SEMA6A: variants seen among roughly 807,000 people sequenced by gnomAD.
SEMA6A encodes the protein semaphorin-6A.
SEMA6A carries 25 observed loss-of-function variants against 96.8 expected under a neutral mutation model. That is an observed-to-expected ratio of 0.26 (90% CI 0.19 to 0.36). The LOEUF (loss-of-function observed/expected upper bound fraction) is 0.36. SEMA6A is among the 10% of genes least tolerant of loss of function. SEMA6A has a pLI of 1.00. For missense variants in SEMA6A, 1,363 were observed against 1,323.1 expected (o/e 1.03, Z -0.47); for synonymous variants, 612 against 518.0 (o/e 1.18, Z -2.46).
rs539607101 is a variant in SEMA6A at position 116,558,386 on chromosome 5, T to C, written c.-39+15799A>G. Among the ~76,000 whole-genome samples the C allele has an allele frequency of 2.3e-3, 348 of 152,210 alleles. 3 individuals carry two copies. Among genetic ancestry groups the C allele is most frequent in the African/African-American group, 7.8e-3 (323 of 41,528 alleles). ...GTGCCACGGTGGTTTGCTGCACCTATCAATCCATCATCTAGGTTTTAAGCC... is the reference window on the plus strand; with the variant it reads ...GTGCCACGGTGGTTTGCTGCACCTACCAATCCATCATCTAGGTTTTAAGCC... On this transcript the variant is annotated intron_variant, in intron 1 of 18. Transcript: ENST00000343348.
chr5:116,472,983 G>A (rs1299197728), intron 17 of SEMA6A, 90 bp downstream of exon 17: 1 of 1,518,998 alleles, frequency 6.6e-7, no homozygotes, highest in Non-Finnish European at 8.8e-7. Context: ...AGAAACTTAA[G>A]ATTTGAACAT....
rs1040222130 is a variant in SEMA6A at position 116,446,409 on chromosome 5, C to A, written c.*204G>T. On this transcript the variant is annotated 3_prime_UTR_variant, in exon 19 of 19. Transcript: ENST00000343348. The stretch of plus-strand genomic sequence containing the variant: ...GTGAAGGAAGAGAATGAAGGTGAGT[C>A]CCCGCCGTTGCAAACCTTCACCAAA... 14 of 475,694 alleles carry A rather than the reference C, an allele frequency of 2.9e-5. No homozygotes were observed. Among genetic ancestry groups the A allele is most frequent in the African/African-American group, 2.7e-4 (14 of 51,362 alleles). 29.5% of individuals were successfully genotyped at this position (475,694 alleles called of 1,614,324 possible). A position where few individuals can be genotyped will look rare whatever the true frequency, so the allele number is the denominator to read the frequency against.
In SEMA6A at chr5:116,548,358, A is replaced by C. The variant is rs140075123; in HGVS notation, c.-39+25827T>G. 5.9e-4 allele frequency among the ~76,000 whole-genome samples: 90 copies of C among 152,278 alleles called. 2 individuals carry two copies. In the East Asian group the frequency reaches 0.015, roughly 25 times the overall value. On this transcript the variant is annotated intron_variant, in intron 1 of 18. Coordinates refer to ENST00000343348, the MANE Select transcript of SEMA6A (RefSeq NM_020796.5). Reference sequence around the variant, plus strand: ...ACATTTCTCATCACACTGGAGCAGAAAACTTGCTTTGGAGTGGTATATGGA... The same window carrying C: ...ACATTTCTCATCACACTGGAGCAGACAACTTGCTTTGGAGTGGTATATGGA...
chr5:116,476,135 A>G (rs906021657), intron 15 of SEMA6A, among the ~76,000 whole-genome samples: 4 of 151,880 alleles, frequency 2.6e-5, no homozygotes, highest in African/African-American at 9.7e-5. Flanking sequence ...CTGCTTGGTT[A>G]TTTGTTCACT....
At chr5:116,449,815 A>G (rs1194541225) in intron 18 of SEMA6A, 3 of 153,146 alleles carry the variant, frequency 2.0e-5, no homozygotes, top group African/African-American at 7.2e-5. Flanking sequence ...AGTGTACAAG[A>G]CGGTAAGATA....
intron 1 of SEMA6A, among the ~76,000 whole-genome samples, chr5:116,540,670 A>G (rs560869540): frequency 7.2e-5 from 11 of 152,266 alleles, no homozygotes; most frequent in African/African-American, 1.7e-4. Context: ...CATATTTCCT[A>G]TAGACTGATG....
chr5:116,572,990 C>G (rs968647616), intron 1 of SEMA6A, among the ~76,000 whole-genome samples: 1 of 152,206 alleles, frequency 6.6e-6, no homozygotes, highest in Non-Finnish European at 1.5e-5. Context: ...CCTTTCCCGA[C>G]GTCCACAAGC....
intron 1 of SEMA6A, among the ~76,000 whole-genome samples, chr5:116,528,645 G>A (rs187251240): frequency 6.6e-6 from 1 of 152,230 alleles, no homozygotes; most frequent in African/African-American, 2.4e-5. Flanking sequence ...CTTAACAGCC[G>A]CCAAGCTTCC....
Position 116,524,773 on chromosome 5 carries a change from C to CACACACACACACACAG in SEMA6A, c.-38-19807_-38-19792dup, listed in dbSNP as rs1253080521. 8.5e-3 allele frequency among the ~76,000 whole-genome samples: 1,234 copies of CACACACACACACACAG among 145,360 alleles called. 13 individuals are homozygous for CACACACACACACACAG. The highest frequency in any genetic ancestry group is 0.015 in the Admixed American group (216 of 14,696). ...GTGTATAATTACATGGGTATGTATA[C>CACACACACACACACAG]ACACACACACACACAGACACACACA... On this transcript the variant is annotated intron_variant, in intron 1 of 18. Coordinates refer to ENST00000343348, the MANE Select transcript of SEMA6A (RefSeq NM_020796.5).
chr5:116,562,897 G>A lies in SEMA6A; in HGVS notation c.-39+11288C>T. 4 of 615,354 alleles carry A rather than the reference G, an allele frequency of 6.5e-6. No homozygotes were observed. The East Asian group carries it at 1.4e-4, about 21-fold the overall frequency. 38.1% of individuals were successfully genotyped at this position (615,354 alleles called of 1,614,324 possible). A position where few individuals can be genotyped will look rare whatever the true frequency, so the allele number is the denominator to read the frequency against. ...CAAAGACTCCTGGACCTGGGGCCCA[G>A]TCGGCCCTCGAGCCCTTGCCCCCTC... On this transcript the variant is annotated intron_variant, in intron 1 of 18. Transcript: ENST00000343348.
intron 18 of SEMA6A, among the ~76,000 whole-genome samples, chr5:116,460,312 A>G (rs1265081712): frequency 1.3e-5 from 2 of 152,174 alleles, no homozygotes; most frequent in Non-Finnish European, 2.9e-5. Flanking sequence ...CATATATAAT[A>G]TTTCATAGAC....
intron 1 of SEMA6A, among the ~76,000 whole-genome samples, chr5:116,552,247 A>G (rs914874615): frequency 1.3e-5 from 1 of 76,158 alleles, no homozygotes; most frequent in Non-Finnish European, 3.3e-5. Context: ...TTTGTAGTCA[A>G]TCATTTTTTT....
intron 18 of SEMA6A, among the ~76,000 whole-genome samples, chr5:116,455,698 C>T (rs1405187148): frequency 6.6e-6 from 1 of 152,178 alleles, no homozygotes; most frequent in Non-Finnish European, 1.5e-5. Flanking sequence ...AGGTCTGTTT[C>T]AATACTGCTA....
At chr5:116,497,244 C>T in intron 4 of SEMA6A, 83 bp downstream of exon 4, 2 of 804,462 alleles carry the variant, frequency 2.5e-6, no homozygotes, top group Non-Finnish European at 4.0e-6. Flanking sequence ...GCTACATCAT[C>T]TTAATGCACT....
intron 10 of SEMA6A, among the ~76,000 whole-genome samples, chr5:116,483,616 GA>G (rs1422404099): frequency 6.6e-6 from 1 of 152,064 alleles, no homozygotes; most frequent in Non-Finnish European, 1.5e-5. Context: ...AATTTCATAA[GA>G]AAATTATTGA....
At chr5:116,482,618 T>G in intron 10 of SEMA6A, 43 bp from the exon 11 acceptor site, 1 of 1,604,376 alleles carries the variant, frequency 6.2e-7, no homozygotes, top group Non-Finnish European at 8.5e-7. Context: ...CATGCAATGG[T>G]TATGCATGTG....
chr5:116,538,213 CAA>C (rs1422297932), intron 1 of SEMA6A, among the ~76,000 whole-genome samples: 12 of 151,654 alleles, frequency 7.9e-5, no homozygotes, highest in Admixed American at 2.6e-4. Context: ...ACAAAACACA[CAA>C]AAAAAACTTG....
At chr5:116,547,839 T>C (rs758544386) in intron 1 of SEMA6A, among the ~76,000 whole-genome samples, 3 of 151,472 alleles carry the variant, frequency 2.0e-5, no homozygotes, top group Non-Finnish European at 4.4e-5. Flanking sequence ...GCACTGTTAA[T>C]TAAGGTATAT....
intron 1 of SEMA6A, among the ~76,000 whole-genome samples, chr5:116,521,955 G>A (rs1273147924): frequency 6.6e-6 from 1 of 152,126 alleles, no homozygotes; most frequent in Non-Finnish European, 1.5e-5. Context: ...GCACATTGAA[G>A]GTACTTATTA....
Sources: allele counts gnomAD v4.1 joint callset (sites outside exome capture counted in the v4.1 genomes callset), GRCh38; gene constraint gnomAD v4.1.1; transcripts MANE v1.5; gene names NCBI Gene and HGNC (gene_info 2026-07-23, HGNC 2026-07-21).